The following CSMD3 variants were observed in gnomAD, a reference collection of about 807,000 sequenced individuals.
The protein encoded by CSMD3 is CUB and sushi domain-containing protein 3.
In CSMD3, 177 loss-of-function variants were observed where a neutral mutation model predicts 435.2. The ratio of observed to expected loss-of-function variants is 0.41; its 90% CI spans 0.36 to 0.46. CSMD3 has a LOEUF of 0.46. CSMD3 is among the 20% of genes least tolerant of loss of function. The probability of loss-of-function intolerance (pLI) is 0.34; values close to 1 mark genes in which losing one functional copy is unlikely to be tolerated. For missense variants in CSMD3, 4,265 were observed against 4,504.6 expected (o/e 0.95, Z 1.52); for synonymous variants, 1,656 against 1,520.5 (o/e 1.09, Z -2.07).
At chr8:112,258,781 T>G (rs1389113440) in intron 61 of CSMD3, among the ~76,000 whole-genome samples, 1 of 152,196 alleles carries the variant, frequency 6.6e-6, no homozygotes, top group Non-Finnish European at 1.5e-5. Context: ...GGCTCACGCC[T>G]GTAATCCCAG....
intron 2 of CSMD3, among the ~76,000 whole-genome samples, chr8:113,301,636 A>AT (rs1413940250): frequency 2.0e-5 from 3 of 151,816 alleles, no homozygotes; most frequent in Non-Finnish European, 4.4e-5. Context: ...GACACTTGTG[A>AT]TTTTTTTCTC....
chr8:113,405,655 C>T (rs1203179151), intron 1 of CSMD3, among the ~76,000 whole-genome samples: 1 of 151,618 alleles, frequency 6.6e-6, no homozygotes, highest in Non-Finnish European at 1.5e-5. Flanking sequence ...ATGAAGGTGG[C>T]AAAACCTGTG....
At chr8:113,363,385 C>T (rs1296353885) in intron 1 of CSMD3, among the ~76,000 whole-genome samples, 1 of 152,102 alleles carries the variant, frequency 6.6e-6, no homozygotes, top group Non-Finnish European at 1.5e-5. Flanking sequence ...GTATCTTTCA[C>T]AGAGTGTATT....
At chr8:112,723,398 G>A (rs1424722870) in intron 13 of CSMD3, among the ~76,000 whole-genome samples, 1 of 152,050 alleles carries the variant, frequency 6.6e-6, no homozygotes, top group Non-Finnish European at 1.5e-5. Context: ...CAGTTCTTGT[G>A]GTGAGTATAT....
chr8:112,574,596 A>T (rs1162150863), intron 23 of CSMD3, among the ~76,000 whole-genome samples: 1 of 151,994 alleles, frequency 6.6e-6, no homozygotes, highest in Admixed American at 6.6e-5. Flanking sequence ...CCAACAATGC[A>T]TATTACCATT....
chr8:112,402,342 C>T (rs1387814879), intron 35 of CSMD3, among the ~76,000 whole-genome samples: 1 of 152,160 alleles, frequency 6.6e-6, no homozygotes, highest in Admixed American at 6.6e-5. Flanking sequence ...TCTTTACAAC[C>T]TTTCACGTTA....
chr8:113,242,950 A>G (rs1471468673), intron 3 of CSMD3, among the ~76,000 whole-genome samples: 1 of 151,982 alleles, frequency 6.6e-6, no homozygotes, highest in African/African-American at 2.4e-5. Context: ...AAGTGCCAGG[A>G]ATTTTCACAG....
intron 38 of CSMD3, among the ~76,000 whole-genome samples, chr8:112,377,755 G>C (rs1829082300): frequency 6.6e-6 from 1 of 151,930 alleles, no homozygotes; most frequent in Non-Finnish European, 1.5e-5. Flanking sequence ...GCACATAATT[G>C]TATCAATGAA....
intron 2 of CSMD3, among the ~76,000 whole-genome samples, chr8:113,281,718 C>A (rs151066705): frequency 6.6e-6 from 1 of 151,754 alleles, no homozygotes; most frequent in Non-Finnish European, 1.5e-5. Context: ...TGCCTGTGTA[C>A]TTTGTTTTTT....
intron 5 of CSMD3, among the ~76,000 whole-genome samples, chr8:113,098,203 T>C (rs1300074599): frequency 6.6e-6 from 1 of 152,060 alleles, no homozygotes; most frequent in Non-Finnish European, 1.5e-5. Flanking sequence ...ATTCATTCTT[T>C]CACTCAGTTA....
intron 13 of CSMD3, among the ~76,000 whole-genome samples, chr8:112,723,738 A>G (rs1310830628): frequency 5.9e-5 from 9 of 152,194 alleles, no homozygotes; most frequent in Admixed American, 5.9e-4. Flanking sequence ...TGGGCACATT[A>G]GAAATCACGG....
At chr8:112,962,441 G>T (rs2130869414) in intron 7 of CSMD3, among the ~76,000 whole-genome samples, 1 of 151,638 alleles carries the variant, frequency 6.6e-6, no homozygotes. Flanking sequence ...AAAAACAGCA[G>T]CCAAAGTTAA....
chr8:112,826,951 T>C (rs2079699435), intron 12 of CSMD3, among the ~76,000 whole-genome samples: 1 of 151,862 alleles, frequency 6.6e-6, no homozygotes, highest in African/African-American at 2.4e-5. Context: ...TATCAATTGG[T>C]ACATCAGAAT....
Position 113,436,772 on chromosome 8 carries a change from C to T in CSMD3, c.83G>A (p.Gly28Asp), listed in dbSNP as rs1352656212. Residue 28 changes from glycine (G) to aspartate (D), a missense_variant, in exon 1 of 71, where the codon GGC becomes GAC. Gly to Asp is a moderately conservative substitution (Grantham distance 94). Coordinates refer to ENST00000297405, the MANE Select transcript of CSMD3 (RefSeq NM_198123.2). The part of the protein sequence containing the change: ...EPGKRRCAKC[G>D]RLDFILMKKM... ...CTTCATCAGGATGAAGTCTAGGCGG[C>T]CACATTTAGCGCATCTTCGCTTGCC... 1 of 1,614,042 alleles carries T rather than the reference C, an allele frequency of 6.2e-7. No homozygotes were observed. The highest frequency in any genetic ancestry group is 1.3e-5 in the African/African-American group (1 of 74,910).
chr8:112,789,424 C>T (rs7822477), intron 13 of CSMD3, among the ~76,000 whole-genome samples: 50,495 of 151,770 alleles, frequency 0.33, 9,256 homozygotes, highest in African/African-American at 0.5. Context: ...TTACAGCAAA[C>T]ACTAAATCAG....
chr8:113,092,354 A>T (rs960517748), intron 5 of CSMD3, among the ~76,000 whole-genome samples: 2 of 152,090 alleles, frequency 1.3e-5, no homozygotes, highest in African/African-American at 2.4e-5. Flanking sequence ...AGTATTCATT[A>T]TACACATTTT....
intron 13 of CSMD3, among the ~76,000 whole-genome samples, chr8:112,781,398 C>T (rs66580830): frequency 0.33 from 50,467 of 151,866 alleles, 9,236 homozygotes; most frequent in African/African-American, 0.5. Context: ...GGTACCAACT[C>T]AGCTACAGTA....
At chr8:113,397,694 T>G (rs1395469838) in intron 1 of CSMD3, among the ~76,000 whole-genome samples, 2 of 151,918 alleles carry the variant, frequency 1.3e-5, no homozygotes, top group Non-Finnish European at 2.9e-5. Context: ...GGCGGGCTCC[T>G]GTAGTCCCAG....
chr8:112,634,711 T>A (rs2074607842), intron 22 of CSMD3, among the ~76,000 whole-genome samples: 1 of 152,056 alleles, frequency 6.6e-6, no homozygotes, highest in Non-Finnish European at 1.5e-5. Flanking sequence ...AAATATATCA[T>A]AAATATAAAC....
Sources: allele counts gnomAD v4.1 joint callset (sites outside exome capture counted in the v4.1 genomes callset), GRCh38; gene constraint gnomAD v4.1.1; transcripts MANE v1.5; gene names NCBI Gene and HGNC (gene_info 2026-07-23, HGNC 2026-07-21).